ATP2C2: variants seen among roughly 807,000 people sequenced by gnomAD.
The protein encoded by ATP2C2 is calcium-transporting ATPase type 2C member 2.
A neutral mutation model predicts 110.8 loss-of-function variants in ATP2C2; 171 were observed. The observed-to-expected ratio is 1.54, with a 90% CI of 1.36 to 1.75. The LOEUF (loss-of-function observed/expected upper bound fraction) is 1.75, where lower values mean the gene tolerates loss of function less well. ATP2C2 is among the 40% of genes most tolerant of loss of function. ATP2C2 has a pLI of 0.00. For synonymous variants in ATP2C2, 804 were observed against 508.4 expected (o/e 1.58, Z -7.82); for missense variants, 1,963 against 1,235.0 (o/e 1.59, Z -8.84).
At chr16:84,455,358 C>G (rs1469292186) in intron 21 of ATP2C2, among the ~76,000 whole-genome samples, 1 of 152,166 alleles carries the variant, frequency 6.6e-6, no homozygotes, top group Non-Finnish European at 1.5e-5. Context: ...TACGTGCTCA[C>G]ACTTGAGTGT....
intron 1 of ATP2C2, among the ~76,000 whole-genome samples, chr16:84,382,035 T>C (rs1038031999): frequency 6.6e-6 from 1 of 152,224 alleles, no homozygotes; most frequent in Admixed American, 6.5e-5. Context: ...GTGCAGAACG[T>C]ACAGGTTTGT....
intron 1 of ATP2C2, among the ~76,000 whole-genome samples, chr16:84,398,007 G>A (rs1239707059): frequency 1.3e-5 from 2 of 151,796 alleles, no homozygotes; most frequent in Admixed American, 1.3e-4. Flanking sequence ...GGAGCATCAG[G>A]GGACCAGTCA....
In ATP2C2 at chr16:84,398,481, A is replaced by G. The variant is rs754393531; in HGVS notation, c.100-18A>G. On this transcript the variant is annotated intron_variant, in intron 1 of 26. Coordinates refer to ENST00000262429, the MANE Select transcript of ATP2C2 (RefSeq NM_014861.4). ...CAAAAGTTCAATCCGCTAAACAGCA[A>G]CCCTGCTCTTTTCACAGATTGATGA... 2 of 1,564,296 alleles carry G rather than the reference A, an allele frequency of 1.3e-6. No homozygotes were observed. The highest frequency in any genetic ancestry group is 2.3e-5 in the East Asian group (1 of 44,340).
rs1450035595 is a variant in ATP2C2, at chr16:84,412,408, A to G, written c.515+1643A>G. Among the ~76,000 whole-genome samples, 4 of 79,044 alleles carry G rather than the reference A, an allele frequency of 5.1e-5. No homozygotes were observed. The South Asian group carries it at 1.4e-3, about 27-fold the overall frequency. The allele number at this position is 79,044 out of a possible 152,430, so 51.9% of individuals were successfully genotyped here. On this transcript the variant is annotated intron_variant, in intron 6 of 26. Coordinates refer to ENST00000262429, the MANE Select transcript of ATP2C2 (RefSeq NM_014861.4). ...TATATGTGTCTGTGTGTGTCTGTGC[A>G]TGTGTCTGTGTATGTGTGTGCGTGT...
intron 1 of ATP2C2, among the ~76,000 whole-genome samples, chr16:84,378,688 G>A (rs1032537509): frequency 6.6e-5 from 10 of 152,194 alleles, no homozygotes; most frequent in Non-Finnish European, 1.0e-4. Flanking sequence ...CATAGAAAGC[G>A]CTCAGTGGTG....
At position 84,382,810 on chromosome 16, in the gene ATP2C2, C is replaced by T. The variant is rs187475171; in HGVS notation, c.99+14096C>T. 1.4e-4 allele frequency among the ~76,000 whole-genome samples: 21 copies of T among 150,676 alleles called. No individual in the cohort carries two copies. In the East Asian group the frequency reaches 3.2e-3, roughly 23 times the overall value. ...ACTTGGGAGGCTCAGGCACCAGAAT[C>T]GCTTGAACCCAGGAGGCGGAGGTTG... is the stretch of plus-strand genomic sequence containing the variant. On this transcript the variant is annotated intron_variant, in intron 1 of 26. Transcript: ENST00000262429.
Position 84,373,881 on chromosome 16 carries a change from A to T in ATP2C2, c.99+5167A>T, listed in dbSNP as rs183498576. On this transcript the variant is annotated intron_variant, in intron 1 of 26. Transcript: ENST00000262429. ...GATTTTGAAAATACTGATGCTAAGA[A>T]TGTCTGCTAATGTGTGTATGTACAA... 2.5e-3 allele frequency among the ~76,000 whole-genome samples: 385 copies of T among 152,336 alleles called. 3 individuals carry two copies. The highest frequency in any genetic ancestry group is 8.9e-3 in the African/African-American group (372 of 41,576).
chr16:84,378,235 T>C (rs1910363795), intron 1 of ATP2C2, among the ~76,000 whole-genome samples: 1 of 152,130 alleles, frequency 6.6e-6, no homozygotes, highest in Non-Finnish European at 1.5e-5. Flanking sequence ...CTGGACCGAA[T>C]CTGGGGGCTC....
chr16:84,442,744 T>A lies in ATP2C2; in HGVS notation c.1401+145T>A, dbSNP rs932447944. The A allele has an allele frequency of 5.3e-5, 40 of 760,090 alleles. No individual in the cohort carries two copies. The African/African-American group carries it at 6.6e-4, about 13-fold the overall frequency. 47.1% of individuals were successfully genotyped at this position (760,090 alleles called of 1,614,324 possible). A position where few individuals can be genotyped will look rare whatever the true frequency, so the allele number is the denominator to read the frequency against. ...AATGGCCCACACTGGCCTTGGGCCA[T>A]CTGTTGGTGGTGGAGGAGGTGAGCT... On this transcript the variant is annotated intron_variant, in intron 15 of 26. Transcript: ENST00000262429.
At chr16:84,448,505 T>G in intron 16 of ATP2C2, 28 bp from the exon 17 acceptor site, 1 of 1,592,946 alleles carries the variant, frequency 6.3e-7, no homozygotes, top group Non-Finnish European at 8.6e-7. Context: ...CCAGTGATAG[T>G]GGATTTCTTC....
At chr16:84,374,201 C>T (rs1016465600) in intron 1 of ATP2C2, among the ~76,000 whole-genome samples, 26 of 150,308 alleles carry the variant, frequency 1.7e-4, no homozygotes, top group Admixed American at 9.4e-4. Flanking sequence ...CGTGACTACA[C>T]TTCTCAATAT....
At chr16:84,382,143 A>T (rs983416872) in intron 1 of ATP2C2, among the ~76,000 whole-genome samples, 2 of 149,898 alleles carry the variant, frequency 1.3e-5, no homozygotes, top group African/African-American at 4.9e-5. Flanking sequence ...CTCTCCCCAC[A>T]CCCCCTGACA....
intron 2 of ATP2C2, chr16:84,404,886 T>C: frequency 1.6e-6 from 1 of 616,188 alleles, no homozygotes; most frequent in Non-Finnish European, 3.0e-6. Context: ...TTCCATTTGT[T>C]GAAATTTAAG....
rs556474358 is a variant in ATP2C2 at position 84,432,180 on chromosome 16, T to C, written c.986+6379T>C. ...TTCGTTACGTGAATAAGCTATTTAG[T>C]GGTGATTTCTGAGATTTTCATGCAC... On this transcript the variant is annotated intron_variant, in intron 11 of 26. Transcript: ENST00000262429. Among the ~76,000 whole-genome samples the C allele has an allele frequency of 1.4e-3, 219 of 152,312 alleles. 1 individual carries two copies. The highest frequency in any genetic ancestry group is 5.1e-3 in the African/African-American group (212 of 41,564).
intron 14 of ATP2C2, among the ~76,000 whole-genome samples, chr16:84,441,979 A>G (rs993579489): frequency 6.6e-6 from 1 of 152,096 alleles, no homozygotes; most frequent in African/African-American, 2.4e-5. Flanking sequence ...AAAAAAGAAA[A>G]GAAAAGAAAT....
At chr16:84,420,464 C>G (rs1907229918) in intron 7 of ATP2C2, among the ~76,000 whole-genome samples, 1 of 124,344 alleles carries the variant, frequency 8.0e-6, no homozygotes, top group Non-Finnish European at 1.8e-5. Context: ...TGATCTCTCC[C>G]TTTCTTTCTT....
At chr16:84,451,613 A>G (rs1046858263) in intron 17 of ATP2C2, among the ~76,000 whole-genome samples, 4 of 152,194 alleles carry the variant, frequency 2.6e-5, no homozygotes, top group Non-Finnish European at 4.4e-5. Flanking sequence ...TGAGGTGGGC[A>G]GATCACCTGA....
intron 2 of ATP2C2, among the ~76,000 whole-genome samples, chr16:84,402,144 A>T (rs968237161): frequency 2.6e-5 from 4 of 152,114 alleles, no homozygotes; most frequent in Non-Finnish European, 5.9e-5. Context: ...GCATATAGCA[A>T]TGCTACTGAT....
intron 16 of ATP2C2, among the ~76,000 whole-genome samples, chr16:84,447,620 T>G (rs1480607484): frequency 1.4e-5 from 2 of 148,124 alleles, no homozygotes; most frequent in Non-Finnish European, 3.0e-5. Context: ...TTGGTTAATA[T>G]AAGCTTGTTA....
Sources: gnomAD v4.1 joint callset for allele counts (sites outside exome capture counted in the v4.1 genomes callset) on GRCh38, gnomAD v4.1.1 for gene constraint, MANE v1.5 for transcripts, NCBI Gene and HGNC (gene_info 2026-07-23, HGNC 2026-07-21) for gene names.